NRXN3: variants seen among roughly 807,000 people sequenced by gnomAD.
NRXN3 encodes neurexin III.
A neutral mutation model predicts 137.6 loss-of-function variants in NRXN3; 32 were observed. That is an observed-to-expected ratio of 0.23 (90% CI 0.18 to 0.31). NRXN3 has a LOEUF of 0.31. NRXN3 is among the 10% of genes least tolerant of loss of function. The pLI, the probability that NRXN3 is intolerant of heterozygous loss-of-function variation, is 1.00. For missense variants in NRXN3, 1,574 were observed against 2,062.5 expected, an observed-to-expected ratio of 0.76 and a Z score of 4.59; for synonymous variants, 798 against 784.5, an observed-to-expected ratio of 1.02 and a Z score of -0.29.
chr14:78,674,073 G>A (rs1435266117), intron 6 of NRXN3, among the ~76,000 whole-genome samples: 4 of 152,158 alleles, frequency 2.6e-5, no homozygotes, highest in African/African-American at 9.7e-5. Flanking sequence ...TGCTCTCTGG[G>A]TTTGCAGACC....
chr14:78,665,412 C>G (rs940228063), intron 6 of NRXN3, among the ~76,000 whole-genome samples: 51 of 152,138 alleles, frequency 3.4e-4, no homozygotes, highest in Non-Finnish European at 1.0e-4. Context: ...ATAAAACCAT[C>G]AGATCTTGTG....
intron 8 of NRXN3, among the ~76,000 whole-genome samples, chr14:78,726,374 G>T (rs562770583): frequency 2.2e-4 from 34 of 152,048 alleles, no homozygotes; most frequent in African/African-American, 7.7e-4. Flanking sequence ...AGTGTGTGAT[G>T]TTCCCCTCCC....
rs568280981 is a variant in NRXN3, at chr14:78,698,517, C to T, written c.1222-10700C>T. On this transcript the variant is annotated intron_variant, in intron 6 of 20. Transcript: ENST00000335750. ...TAGAGAGGATGAAGGCTCTGAGATA[C>T]TGTCTCAAAACATTCATGTGTTTTC... is the stretch of plus-strand genomic sequence containing the variant. 2.7e-5 allele frequency among the ~76,000 whole-genome samples: 4 copies of T among 150,322 alleles called. No individual in the cohort carries two copies. The South Asian group carries it at 9.1e-4, about 34-fold the overall frequency.
At chr14:79,708,227 T>C (rs1041671337) in intron 19 of NRXN3, among the ~76,000 whole-genome samples, 1 of 150,746 alleles carries the variant, frequency 6.6e-6, no homozygotes, top group Non-Finnish European at 1.5e-5. Context: ...AACAATACAG[T>C]ATAACAACTA....
chr14:79,569,919 A>G (rs2153795024), intron 16 of NRXN3, among the ~76,000 whole-genome samples: 1 of 152,132 alleles, frequency 6.6e-6, no homozygotes, highest in Non-Finnish European at 1.5e-5. Context: ...AACAGAACAT[A>G]TTTTAATGTC....
At chr14:79,508,886 G>T (rs1416487190) in intron 16 of NRXN3, among the ~76,000 whole-genome samples, 2 of 151,934 alleles carry the variant, frequency 1.3e-5, no homozygotes, top group South Asian at 2.1e-4. Context: ...AACACATATG[G>T]TTACTGTAAT....
At chr14:79,471,728 G>A (rs2096510752) in intron 16 of NRXN3, among the ~76,000 whole-genome samples, 1 of 152,092 alleles carries the variant, frequency 6.6e-6, no homozygotes, top group Non-Finnish European at 1.5e-5. Flanking sequence ...AGAAATGAGT[G>A]GGAAAACTTG....
chr14:79,368,514 G>T (rs981841961), intron 15 of NRXN3, among the ~76,000 whole-genome samples: 2 of 152,108 alleles, frequency 1.3e-5, no homozygotes, highest in Non-Finnish European at 2.9e-5. Context: ...ATTGTACAAA[G>T]CATGCTGTTC....
chr14:78,305,421 C>A (rs182764878), intron 4 of NRXN3, among the ~76,000 whole-genome samples: 3 of 152,182 alleles, frequency 2.0e-5, no homozygotes, highest in Non-Finnish European at 4.4e-5. Context: ...TTCAGAAGCC[C>A]TTTTTGATTT....
At chr14:79,317,570 G>C (rs950313127) in intron 15 of NRXN3, among the ~76,000 whole-genome samples, 1 of 152,096 alleles carries the variant, frequency 6.6e-6, no homozygotes, top group Non-Finnish European at 1.5e-5. Flanking sequence ...AGGTACTGGG[G>C]GGTTAGGATT....
intron 4 of NRXN3, among the ~76,000 whole-genome samples, chr14:78,551,597 T>A (rs925099433): frequency 6.6e-6 from 1 of 150,652 alleles, no homozygotes; most frequent in Non-Finnish European, 1.5e-5. Context: ...CTCATTTCCC[T>A]TCCTTTATTT....
At chr14:79,034,919 C>G (rs1004905402) in intron 15 of NRXN3, among the ~76,000 whole-genome samples, 1 of 152,054 alleles carries the variant, frequency 6.6e-6, no homozygotes, top group Non-Finnish European at 1.5e-5. Context: ...CAAGCAAATG[C>G]TCTGGAGAAC....
Position 79,381,880 on chromosome 14 carries a change from A to G in NRXN3, c.3263-85341A>G, listed in dbSNP as rs370634555. Among the ~76,000 whole-genome samples the G allele has an allele frequency of 2.6e-5, 4 of 152,194 alleles. No homozygotes were observed. The East Asian group carries it at 5.8e-4, about 22-fold the overall frequency. On this transcript the variant is annotated intron_variant, in intron 15 of 20. Coordinates refer to ENST00000335750, the MANE Select transcript of NRXN3 (RefSeq NM_001330195.2). The stretch of plus-strand genomic sequence containing the variant: ...GATTTTGGGTTCACATTTCACTTCC[A>G]TATATAATACAACTTATGTGCCCAT...
At chr14:79,302,215 C>A (rs185238399) in intron 15 of NRXN3, among the ~76,000 whole-genome samples, 16 of 152,046 alleles carry the variant, frequency 1.1e-4, no homozygotes, top group African/African-American at 3.9e-4. Context: ...GTAATCCATA[C>A]AAGAATTATT....
chr14:79,574,991 TTC>T (rs1298379499), intron 16 of NRXN3, among the ~76,000 whole-genome samples: 4 of 152,156 alleles, frequency 2.6e-5, no homozygotes, highest in East Asian at 1.9e-4. Context: ...CACCACTGCA[TTC>T]TCTTTTTTAT....
chr14:78,933,981 C>T (rs2099328743), intron 10 of NRXN3, among the ~76,000 whole-genome samples: 1 of 151,980 alleles, frequency 6.6e-6, no homozygotes, highest in Admixed American at 6.6e-5. Context: ...TTGTAAATAC[C>T]TACGGTTGAT....
chr14:78,857,221 G>A (rs2099059948), intron 10 of NRXN3, among the ~76,000 whole-genome samples: 1 of 151,904 alleles, frequency 6.6e-6, no homozygotes, highest in South Asian at 2.1e-4. Context: ...TCTTTGCCAG[G>A]CCTTTTCTCA....
At chr14:78,480,830 T>C (rs1471722079) in intron 4 of NRXN3, among the ~76,000 whole-genome samples, 1 of 152,218 alleles carries the variant, frequency 6.6e-6, no homozygotes, top group Non-Finnish European at 1.5e-5. Context: ...CAAGTTTGCA[T>C]TTAGCTAAGT....
intron 16 of NRXN3, among the ~76,000 whole-genome samples, chr14:79,547,667 G>A (rs1399508054): frequency 6.6e-6 from 1 of 152,174 alleles, no homozygotes; most frequent in African/African-American, 2.4e-5. Flanking sequence ...TAGAGTAGAA[G>A]ACAGTGAGGA....
Sources: gnomAD v4.1 joint callset for allele counts (sites outside exome capture counted in the v4.1 genomes callset) on GRCh38, gnomAD v4.1.1 for gene constraint, MANE v1.5 for transcripts, NCBI Gene and HGNC (gene_info 2026-07-23, HGNC 2026-07-21) for gene names.